SBF2: variants seen among roughly 807,000 people sequenced by gnomAD.
SBF2 encodes the protein SET binding factor 2.
In SBF2, 112 loss-of-function variants were observed where a neutral mutation model predicts 225.2. The ratio of observed to expected loss-of-function variants is 0.50; its 90% CI spans 0.43 to 0.58. The LOEUF is 0.58. SBF2 is among the 20% of genes least tolerant of loss of function. The pLI, the probability that SBF2 is intolerant of heterozygous loss-of-function variation, is 0.00. For synonymous variants in SBF2, 763 were observed against 773.3 expected (o/e 0.99, Z 0.22); for missense variants, 1,996 against 2,206.2 (o/e 0.90, Z 1.91).
At chr11:10,255,801 C>T (rs2135498898) in intron 1 of SBF2, among the ~76,000 whole-genome samples, 1 of 152,146 alleles carries the variant, frequency 6.6e-6, no homozygotes, top group East Asian at 1.9e-4. Flanking sequence ...TAAGAGTTAC[C>T]TAAGATCATA....
chr11:10,115,866 T>A (rs1175166047), intron 2 of SBF2, among the ~76,000 whole-genome samples: 1 of 152,136 alleles, frequency 6.6e-6, no homozygotes, highest in East Asian at 1.9e-4. Context: ...ATTGTACATA[T>A]AAAATATTTG....
chr11:10,210,731 G>C (rs1320130270), intron 1 of SBF2, among the ~76,000 whole-genome samples: 2 of 151,494 alleles, frequency 1.3e-5, no homozygotes, highest in East Asian at 4.0e-4. Flanking sequence ...GGCCTCTTGT[G>C]GCCAGGCGCG....
At chr11:10,083,027 A>G (rs555936997) in intron 2 of SBF2, among the ~76,000 whole-genome samples, 1 of 152,364 alleles carries the variant, frequency 6.6e-6, no homozygotes, top group African/African-American at 2.4e-5. Flanking sequence ...TGAATTCATT[A>G]AAGTTTCAGC....
At chr11:9,987,457 C>T (rs1040203037) in intron 13 of SBF2, among the ~76,000 whole-genome samples, 9 of 152,024 alleles carry the variant, frequency 5.9e-5, no homozygotes, top group Admixed American at 3.3e-4. Flanking sequence ...GCATCTAAAT[C>T]GGTAAAGAGG....
intron 16 of SBF2, chr11:9,958,177 G>C (rs1406442839): frequency 6.6e-6 from 1 of 152,066 alleles, no homozygotes; most frequent in East Asian, 1.9e-4. Flanking sequence ...AATGGAAGCA[G>C]TGGTTATGTT....
At chr11:9,831,623 G>C (rs1004159016) in intron 27 of SBF2, among the ~76,000 whole-genome samples, 6 of 152,148 alleles carry the variant, frequency 3.9e-5, no homozygotes, top group African/African-American at 1.4e-4. Flanking sequence ...CTATGAGAAA[G>C]GTCAGCAAAA....
chr11:10,227,249 A>C (rs1261304939), intron 1 of SBF2, among the ~76,000 whole-genome samples: 3 of 151,986 alleles, frequency 2.0e-5, no homozygotes, highest in East Asian at 3.8e-4. Flanking sequence ...AGGTTGCAAA[A>C]ATTTTCTCCC....
chr11:10,173,584 A>C (rs930485913), intron 2 of SBF2, among the ~76,000 whole-genome samples: 1 of 152,070 alleles, frequency 6.6e-6, no homozygotes, highest in African/African-American at 2.4e-5. Context: ...AGGCTGGGGG[A>C]GGGGCGCCCA....
chr11:9,897,014 G>C (rs1861321901), intron 16 of SBF2, among the ~76,000 whole-genome samples: 1 of 151,974 alleles, frequency 6.6e-6, no homozygotes, highest in Non-Finnish European at 1.5e-5. Flanking sequence ...CTTCTTCTGG[G>C]CATATACCCA....
intron 2 of SBF2, among the ~76,000 whole-genome samples, chr11:10,112,110 CAT>C (rs1952894740): frequency 6.6e-6 from 1 of 152,224 alleles, no homozygotes; most frequent in Non-Finnish European, 1.5e-5. Context: ...ACATTCTACA[CAT>C]GATAAAGTTT....
intron 17 of SBF2, among the ~76,000 whole-genome samples, chr11:9,888,383 C>T (rs1860512684): frequency 6.6e-6 from 1 of 151,686 alleles, no homozygotes; most frequent in Non-Finnish European, 1.5e-5. Flanking sequence ...TGCATGCTTG[C>T]AGTCCTGCTA....
intron 2 of SBF2, among the ~76,000 whole-genome samples, chr11:10,136,760 C>T (rs1954375349): frequency 6.6e-6 from 1 of 152,208 alleles, no homozygotes; most frequent in South Asian, 2.1e-4. Flanking sequence ...TGAAGAACTG[C>T]TTGGTGTGGA....
chr11:10,097,082 C>T (rs1468415480), intron 2 of SBF2, among the ~76,000 whole-genome samples: 1 of 152,136 alleles, frequency 6.6e-6, no homozygotes, highest in Non-Finnish European at 1.5e-5. Context: ...GTGAGGCCTT[C>T]AGTAGATGAT....
chr11:10,081,759 CAAAA>C (rs59208091), intron 2 of SBF2, among the ~76,000 whole-genome samples: 2 of 120,540 alleles, frequency 1.7e-5, no homozygotes, highest in African/African-American at 3.3e-5. Context: ...GACTCCACCT[CAAAA>C]AAAAAAAAAA....
At chr11:10,110,462 T>C (rs1461222869) in intron 2 of SBF2, among the ~76,000 whole-genome samples, 1 of 152,186 alleles carries the variant, frequency 6.6e-6, no homozygotes, top group African/African-American at 2.4e-5. Flanking sequence ...CCTTCAGTTT[T>C]AACTAAAATG....
Position 9,981,635 on chromosome 11 carries a change from T to C in SBF2, c.1395+7862A>G, listed in dbSNP as rs184557378. ...CTAATGAGAAAATGTATAACCATTA[T>C]TATATTTTAATCTTTGGATGCCAAT... On this transcript the variant is annotated intron_variant, in intron 13 of 39. Coordinates refer to ENST00000256190, the MANE Select transcript of SBF2 (RefSeq NM_030962.4). Among the ~76,000 whole-genome samples the C allele has an allele frequency of 3.8e-3, 580 of 152,364 alleles. 4 individuals are homozygous for C. Among genetic ancestry groups the C allele is most frequent in the South Asian group, 5.2e-3 (25 of 4,828 alleles).
At chr11:10,112,299 C>A (rs1247575236) in intron 2 of SBF2, among the ~76,000 whole-genome samples, 9 of 152,086 alleles carry the variant, frequency 5.9e-5, no homozygotes, top group Non-Finnish European at 8.8e-5. Flanking sequence ...TGGAAGGAAC[C>A]CAGCAGGAGG....
chr11:10,219,060 T>C (rs754430486), intron 1 of SBF2, among the ~76,000 whole-genome samples: 7 of 152,186 alleles, frequency 4.6e-5, no homozygotes, highest in Non-Finnish European at 8.8e-5. Context: ...CTAGGCAGTG[T>C]TCCAGTGGGG....
intron 1 of SBF2, among the ~76,000 whole-genome samples, chr11:10,239,899 T>TCTTA (rs1252918870): frequency 6.6e-6 from 1 of 152,204 alleles, no homozygotes; most frequent in Non-Finnish European, 1.5e-5. Context: ...TCTGTTTTTA[T>TCTTA]CTTTGTAAGA....
Sources: gnomAD v4.1 joint callset for allele counts (sites outside exome capture counted in the v4.1 genomes callset) on GRCh38, gnomAD v4.1.1 for gene constraint, MANE v1.5 for transcripts, NCBI Gene and HGNC (gene_info 2026-07-23, HGNC 2026-07-21) for gene names.